Variants in CHD2 observed in about 807,000 individuals in gnomAD.
The protein encoded by CHD2 is ATP-dependent chromatin remodeler CHD2.
Under a neutral mutation model 243.9 loss-of-function variants are expected in CHD2, and 28 were observed. The ratio of observed to expected loss-of-function variants is 0.11; its 90% CI spans 0.09 to 0.16. The LOEUF is 0.16. Ranked by LOEUF, CHD2 falls within the 10% of genes least tolerant of loss-of-function variation. CHD2 has a pLI of 1.00. For missense variants in CHD2, 1,386 were observed against 2,209.8 expected, an observed-to-expected ratio of 0.63 and a Z score of 7.47; for synonymous variants, 775 against 779.0, an observed-to-expected ratio of 0.99 and a Z score of 0.09.
chr15:92,902,094 A>G lies in CHD2; in HGVS notation c.62+795A>G. ...AGGTTTGCATTTGTATGCTTAAGAC[A>G]TTGATTTCCTGTTGGTAGATGTATT... On this transcript the variant is annotated intron_variant, in intron 2 of 38. Coordinates refer to ENST00000394196, the MANE Select transcript of CHD2 (RefSeq NM_001271.4). 7.5e-6 allele frequency: 3 copies of G among 397,462 alleles called. No individual in the cohort carries two copies. The East Asian group carries it at 1.1e-4, about 14-fold the overall frequency. The allele number at this position is 397,462 out of a possible 1,614,324, so 24.6% of individuals were successfully genotyped here.
intron 5 of CHD2, among the ~76,000 whole-genome samples, chr15:92,933,629 C>T (rs757710478): frequency 2.6e-5 from 4 of 152,022 alleles, no homozygotes; most frequent in Non-Finnish European, 4.4e-5. Flanking sequence ...TTTGAGACGG[C>T]GTTTTATTCT....
Position 92,980,797 on chromosome 15 carries a change from T to C in CHD2, c.2877-18T>C. 6.3e-7 allele frequency: 1 copy of C among 1,585,742 alleles called. No homozygotes were observed. The highest frequency in any genetic ancestry group is 8.6e-7 in the Non-Finnish European group (1 of 1,156,336). On this transcript the variant is annotated intron_variant, in intron 22 of 38. Transcript: ENST00000394196. The stretch of plus-strand genomic sequence containing the variant: ...GAGGTTATTTGATGTTTCTAACAAC[T>C]ACATTTTACTTCCACAGCTCAAATC...
intron 8 of CHD2, 27 bp downstream of exon 8, chr15:92,941,982 A>G (rs1371307042): frequency 6.2e-7 from 1 of 1,600,394 alleles, no homozygotes. Flanking sequence ...AGCAAATTAC[A>G]TTTTATGTAT....
rs969811191 is a variant in CHD2 at position 93,018,362 on chromosome 15, G to C, written c.4907-1650G>C. 9.2e-5 allele frequency among the ~76,000 whole-genome samples: 14 copies of C among 152,318 alleles called. 1 individual carries two copies. Among genetic ancestry groups the C allele is most frequent in the Admixed American group, 9.2e-4 (14 of 15,298 alleles). ...TTAATGCTATCAGTTTCTGAGCTCA[G>C]CACTTCCTTAATGGTGTTGTTCTTC... On this transcript the variant is annotated intron_variant, in intron 37 of 38. Transcript: ENST00000394196.
chr15:93,019,731 T>C (rs1385272355), intron 37 of CHD2, among the ~76,000 whole-genome samples: 2 of 152,038 alleles, frequency 1.3e-5, no homozygotes, highest in African/African-American at 2.4e-5. Flanking sequence ...GTCAGGAGTT[T>C]GAGACCAGCC....
At chr15:92,905,686 G>C (rs552316670) in intron 2 of CHD2, among the ~76,000 whole-genome samples, 1 of 152,272 alleles carries the variant, frequency 6.6e-6, no homozygotes, top group South Asian at 2.1e-4. Context: ...AGAATTATTT[G>C]GATAGTTTGT....
At chr15:92,956,770 A>G in intron 16 of CHD2, 121 bp downstream of exon 16, 2 of 884,044 alleles carry the variant, frequency 2.3e-6, no homozygotes, top group South Asian at 1.9e-5. Context: ...CAAAGCGTCA[A>G]ATGGAGGCAG....
chr15:92,985,721 GTA>G (rs746864412), intron 26 of CHD2, 48 bp downstream of exon 26: 2 of 1,565,414 alleles, frequency 1.3e-6, no homozygotes, highest in South Asian at 2.3e-5. Context: ...AGTGCGTACT[GTA>G]AGTCTTGGGT....
At chr15:92,942,129 G>A (rs1432551076) in intron 8 of CHD2, among the ~76,000 whole-genome samples, 174 bp downstream of exon 8, 1 of 152,176 alleles carries the variant, frequency 6.6e-6, no homozygotes, top group African/African-American at 2.4e-5. Flanking sequence ...TGTACACTAT[G>A]TCTTTAAGAT....
chr15:93,005,169 T>C (rs1349178868), intron 34 of CHD2, among the ~76,000 whole-genome samples: 1 of 152,220 alleles, frequency 6.6e-6, no homozygotes, highest in Non-Finnish European at 1.5e-5. Context: ...CAAATCATGT[T>C]GGTGCCCCTG....
In CHD2 at chr15:93,004,638, T is replaced by A; in HGVS notation, c.4300T>A (p.Ser1434Thr). Residue 1434 changes from serine (S) to threonine (T), a missense_variant, in exon 34 of 39, where the codon TCT becomes ACT. Physicochemically the swap from Ser to Thr is moderately conservative, Grantham distance 58 (BLOSUM62 1). Around this residue, in one of 19 missense-constraint regions of CHD2, gnomAD observed 125 missense variants for 128.9 expected, o/e 0.97. Transcript: ENST00000394196. ...AAAGCCTAAAAGTGGTGATGCCAAA[T>A]CTTCGAGTAAATCAAAGCGATCTCA... ...KEKPKSGDAK[S>T]SSKSKRSQGP... 1 of 1,612,456 alleles carries A rather than the reference T, an allele frequency of 6.2e-7. No individual in the cohort carries two copies. The highest frequency in any genetic ancestry group is 1.3e-5 in the African/African-American group (1 of 75,000).
chr15:92,951,769 A>G (rs1234322756), intron 13 of CHD2, among the ~76,000 whole-genome samples: 2 of 152,256 alleles, frequency 1.3e-5, no homozygotes, highest in Non-Finnish European at 2.9e-5. Flanking sequence ...TAAACTGTGT[A>G]GAAAATTAGG....
In CHD2 at chr15:92,984,514, A is replaced by G. The variant is rs763922777; in HGVS notation, c.3237+14A>G. On this transcript the variant is annotated intron_variant, in intron 25 of 38. Transcript: ENST00000394196. ...TCCACTAAAAAGGTGATCAAGTGAG[A>G]TGAAAGATATGAAATTATTTCTTAT... is the stretch of plus-strand genomic sequence containing the variant. The G allele has an allele frequency of 9.6e-5, 153 of 1,596,522 alleles. No individual in the cohort carries two copies. Among genetic ancestry groups the G allele is most frequent in the Middle Eastern group, 1.7e-4 (1 of 5,998 alleles).
chr15:92,951,143 A>G (rs977247759), intron 13 of CHD2, among the ~76,000 whole-genome samples: 3 of 152,150 alleles, frequency 2.0e-5, no homozygotes, highest in Non-Finnish European at 4.4e-5. Flanking sequence ...TTTTGTGTAC[A>G]GTCCTTGGCC....
At chr15:92,938,784 A>G (rs2053309737) in intron 6 of CHD2, among the ~76,000 whole-genome samples, 1 of 152,148 alleles carries the variant, frequency 6.6e-6, no homozygotes, top group African/African-American at 2.4e-5. Flanking sequence ...CACTGATGGA[A>G]TATTTGGGGA....
At chr15:92,967,757 G>A (rs759793903) in intron 17 of CHD2, among the ~76,000 whole-genome samples, 17 of 151,832 alleles carry the variant, frequency 1.1e-4, no homozygotes, top group Non-Finnish European at 1.8e-4. Context: ...TTGAACTCCC[G>A]ACCTCAGGTG....
intron 17 of CHD2, among the ~76,000 whole-genome samples, chr15:92,968,090 G>GT (rs1370871269): frequency 1.3e-5 from 2 of 151,456 alleles, no homozygotes; most frequent in Non-Finnish European, 2.9e-5. Flanking sequence ...ATTTTGATTG[G>GT]TTGGTATGTC....
At chr15:92,923,811 G>A (rs546768715) in intron 2 of CHD2, among the ~76,000 whole-genome samples, 17 of 152,160 alleles carry the variant, frequency 1.1e-4, no homozygotes, top group Non-Finnish European at 7.4e-5. Flanking sequence ...TGATCCGCCC[G>A]CCTCGGCCTC....
chr15:92,958,582 CTTA>C (rs929474396), intron 16 of CHD2, among the ~76,000 whole-genome samples: 20 of 152,072 alleles, frequency 1.3e-4, no homozygotes, highest in East Asian at 1.9e-4. Context: ...GATTGTTTGT[CTTA>C]TTATGAGTTG....
Sources: allele counts gnomAD v4.1 joint callset (sites outside exome capture counted in the v4.1 genomes callset), GRCh38; gene constraint gnomAD v4.1.1; regional missense constraint gnomAD v4.1.1; transcripts MANE v1.5; gene names NCBI Gene and HGNC (gene_info 2026-07-23, HGNC 2026-07-21).